The following GPR158 variants were observed in gnomAD, a reference collection of about 807,000 sequenced individuals.
GPR158 encodes the protein metabotropic glycine receptor.
In GPR158, 30 loss-of-function variants were observed where a neutral mutation model predicts 78.2. The observed-to-expected ratio is 0.38, with a 90% confidence interval of 0.29 to 0.52. The LOEUF (loss-of-function observed/expected upper bound fraction) is 0.52, where lower values mean the gene tolerates loss of function less well. GPR158 is among the 20% of genes least tolerant of loss of function. The pLI, the probability that GPR158 is intolerant of heterozygous loss-of-function variation, is 0.83. For missense variants in GPR158, 1,463 were observed against 1,523.5 expected, an observed-to-expected ratio of 0.96 and a Z score of 0.66; for synonymous variants, 581 against 591.1, an observed-to-expected ratio of 0.98 and a Z score of 0.25.
chr10:25,413,439 G>A (rs1479552442), intron 4 of GPR158, among the ~76,000 whole-genome samples: 1 of 152,124 alleles, frequency 6.6e-6, no homozygotes, highest in African/African-American at 2.4e-5. Flanking sequence ...TCTCCAGTTG[G>A]CCACCCAATT....
chr10:25,461,404 G>T (rs1026543239), intron 4 of GPR158, among the ~76,000 whole-genome samples: 1 of 152,162 alleles, frequency 6.6e-6, no homozygotes, highest in Non-Finnish European at 1.5e-5. Context: ...CTAGATAGAA[G>T]ATTAAACCAG....
intron 5 of GPR158, among the ~76,000 whole-genome samples, chr10:25,543,546 A>G (rs899641682): frequency 6.6e-6 from 1 of 152,174 alleles, no homozygotes; most frequent in Non-Finnish European, 1.5e-5. Flanking sequence ...TGTAATGATG[A>G]CTGGGCTTTT....
intron 2 of GPR158, among the ~76,000 whole-genome samples, chr10:25,271,938 C>G (rs1362835544): frequency 6.6e-6 from 1 of 152,140 alleles, no homozygotes; most frequent in Admixed American, 6.6e-5. Flanking sequence ...CTGCCTCTGG[C>G]CACAATATCA....
chr10:25,264,750 A>G (rs1854019660), intron 2 of GPR158, among the ~76,000 whole-genome samples: 1 of 152,200 alleles, frequency 6.6e-6, no homozygotes. Context: ...TGTCGATAGT[A>G]TCTTGCAGAT....
At chr10:25,560,060 T>TGTAA (rs1836841638) in intron 6 of GPR158, among the ~76,000 whole-genome samples, 1 of 152,228 alleles carries the variant, frequency 6.6e-6, no homozygotes, top group South Asian at 2.1e-4. Context: ...ACAGTGTGAC[T>TGTAA]GTAAGTTATT....
intron 2 of GPR158, among the ~76,000 whole-genome samples, chr10:25,339,691 T>C (rs1855276022): frequency 6.6e-6 from 1 of 152,140 alleles, no homozygotes; most frequent in African/African-American, 2.4e-5. Flanking sequence ...CTTCCTCATT[T>C]GCTAAGCTTT....
At chr10:25,222,388 C>T (rs1415123368) in intron 2 of GPR158, among the ~76,000 whole-genome samples, 1 of 150,688 alleles carries the variant, frequency 6.6e-6, no homozygotes, top group Non-Finnish European at 1.5e-5. Context: ...CCACCATATC[C>T]TGATGATCCC....
chr10:25,405,816 A>G (rs1255289398), intron 3 of GPR158, among the ~76,000 whole-genome samples: 2 of 152,096 alleles, frequency 1.3e-5, no homozygotes, highest in South Asian at 2.1e-4. Context: ...AGAATAAACT[A>G]CTTCTAGGAA....
chr10:25,182,946 T>C (rs1484016670), intron 1 of GPR158, among the ~76,000 whole-genome samples: 2 of 152,162 alleles, frequency 1.3e-5, no homozygotes, highest in Non-Finnish European at 2.9e-5. Context: ...TATGTGCAAA[T>C]AGGCAGTTCA....
chr10:25,284,902 T>A (rs1435533893), intron 2 of GPR158, among the ~76,000 whole-genome samples: 1 of 152,146 alleles, frequency 6.6e-6, no homozygotes, highest in African/African-American at 2.4e-5. Context: ...TCCTAATTAC[T>A]TCTTATTCTT....
intron 2 of GPR158, among the ~76,000 whole-genome samples, chr10:25,252,433 A>G (rs1853818676): frequency 1.3e-5 from 2 of 151,814 alleles, no homozygotes. Flanking sequence ...TTTTTTCCCC[A>G]TCTTTGTGGT....
chr10:25,242,547 G>A (rs1853640775), intron 2 of GPR158, among the ~76,000 whole-genome samples: 1 of 152,152 alleles, frequency 6.6e-6, no homozygotes, highest in Non-Finnish European at 1.5e-5. Flanking sequence ...TTATTTATTA[G>A]AACTAAGTGT....
chr10:25,400,290 C>T (rs543995228), intron 3 of GPR158, among the ~76,000 whole-genome samples: 11 of 152,238 alleles, frequency 7.2e-5, no homozygotes, highest in African/African-American at 2.6e-4. Context: ...CAAAAGACCC[C>T]AAATTCCTAA....
At chr10:25,233,402 G>A (rs1383364537) in intron 2 of GPR158, among the ~76,000 whole-genome samples, 3 of 151,804 alleles carry the variant, frequency 2.0e-5, no homozygotes, top group Non-Finnish European at 2.9e-5. Flanking sequence ...CCCTGCTGGT[G>A]GTTACAATTT....
intron 2 of GPR158, among the ~76,000 whole-genome samples, chr10:25,234,686 G>C (rs1002487273): frequency 6.6e-6 from 1 of 152,168 alleles, no homozygotes; most frequent in East Asian, 1.9e-4. Flanking sequence ...CAATTTGTTT[G>C]TCTGAGTAGT....
At chr10:25,356,920 G>A (rs113970236) in intron 2 of GPR158, among the ~76,000 whole-genome samples, 1 of 152,082 alleles carries the variant, frequency 6.6e-6, no homozygotes, top group African/African-American at 2.4e-5. Flanking sequence ...ACAGGAAAAT[G>A]TGGGAGAGTT....
At chr10:25,572,969 C>T in intron 7 of GPR158, 82 bp downstream of exon 7, 1 of 847,958 alleles carries the variant, frequency 1.2e-6, no homozygotes. Flanking sequence ...TCTTGCCAGA[C>T]TCTTTAGTAA....
At chr10:25,210,399 T>C (rs931087089) in intron 1 of GPR158, among the ~76,000 whole-genome samples, 10 of 152,222 alleles carry the variant, frequency 6.6e-5, no homozygotes, top group Non-Finnish European at 1.0e-4. Flanking sequence ...GCAGGATTTC[T>C]GAGTCATAGG....
At chr10:25,202,894 C>T (rs1316382461) in intron 1 of GPR158, among the ~76,000 whole-genome samples, 2 of 152,154 alleles carry the variant, frequency 1.3e-5, no homozygotes, top group African/African-American at 4.8e-5. Context: ...GTCCCTATTT[C>T]TCCGTGTCCT....
Sources: allele counts gnomAD v4.1 joint callset (sites outside exome capture counted in the v4.1 genomes callset), GRCh38; gene constraint gnomAD v4.1.1; transcripts MANE v1.5; gene names NCBI Gene and HGNC (gene_info 2026-07-23, HGNC 2026-07-21).